RNF170: variants seen among roughly 807,000 people sequenced by gnomAD.
RNF170 encodes the protein E3 ubiquitin-protein ligase RNF170.
Under a neutral mutation model 32.7 loss-of-function variants are expected in RNF170, and 12 were observed. The ratio of observed to expected loss-of-function variants is 0.37; its 90% confidence interval spans 0.24 to 0.60. The LOEUF is 0.60. Ranked by LOEUF, RNF170 falls within the 20% of genes least tolerant of loss-of-function variation. The pLI, the probability that RNF170 is intolerant of heterozygous loss-of-function variation, is 0.72. For synonymous variants in RNF170, 91 were observed against 103.6 expected (o/e 0.88, Z 0.74); for missense variants, 212 against 311.2 (o/e 0.68, Z 2.40).
chr8:42,886,080 CG>C (rs2128950982), intron 2 of RNF170, among the ~76,000 whole-genome samples: 1 of 152,068 alleles, frequency 6.6e-6, no homozygotes, highest in Non-Finnish European at 1.5e-5. Context: ...AAAAATTAGC[CG>C]GGCGTGGTGG....
intron 5 of RNF170, among the ~76,000 whole-genome samples, chr8:42,863,985 GT>G (rs1803889877): frequency 2.9e-5 from 4 of 139,272 alleles, no homozygotes; most frequent in African/African-American, 9.4e-5. Context: ...GAGAGAGTGT[GT>G]GTGTGTGTGT....
chr8:42,855,453 T>A lies in RNF170; in HGVS notation c.*706A>T. 1.1e-6 allele frequency: 1 copy of A among 875,772 alleles called. No homozygotes were observed. The allele number at this position is 875,772 out of a possible 1,614,324, so 54.3% of individuals were successfully genotyped here. On this transcript the variant is annotated 3_prime_UTR_variant, in exon 7 of 7. Transcript: ENST00000527424. ...GTCCTGATCTCCTGACCTTGTGATCTACCCGCCTCAGCCTCCCAAAGTGCT... is the reference window on the plus strand; with the variant it reads ...GTCCTGATCTCCTGACCTTGTGATCAACCCGCCTCAGCCTCCCAAAGTGCT...
chr8:42,854,041 T>A lies in RNF170; in HGVS notation c.*2118A>T, dbSNP rs1231555924. The A allele has an allele frequency of 3.9e-6, 5 of 1,287,236 alleles. No homozygotes were observed. The South Asian group carries it at 6.2e-5, about 16-fold the overall frequency. 79.7% of individuals were successfully genotyped at this position (1,287,236 alleles called of 1,614,324 possible). On this transcript the variant is annotated 3_prime_UTR_variant, in exon 7 of 7. Coordinates refer to ENST00000527424, the MANE Select transcript of RNF170 (RefSeq NM_030954.4). Reference sequence around the variant, plus strand: ...ATTGGTAGGAAATGCATTTCCAGTCTGGTACATGGCAGTGTGACAAACTCC... The same window carrying A: ...ATTGGTAGGAAATGCATTTCCAGTCAGGTACATGGCAGTGTGACAAACTCC...
chr8:42,887,882 A>C lies in RNF170; in HGVS notation c.-7-11T>G, dbSNP rs746328156. On this transcript the variant is annotated splice_polypyrimidine_tract_variant and intron_variant, in intron 1 of 6. Coordinates refer to ENST00000527424, the MANE Select transcript of RNF170 (RefSeq NM_030954.4). The stretch of plus-strand genomic sequence containing the variant: ...TTGGCCATTCCAGGTCTAAAATAAG[A>C]AGAAACAAGATGAGAGTTACAAATG... 2 of 1,610,876 alleles carry C rather than the reference A, an allele frequency of 1.2e-6. No individual in the cohort carries two copies. Among genetic ancestry groups the C allele is most frequent in the African/African-American group, 1.3e-5 (1 of 74,864 alleles).
chr8:42,889,374 T>G (rs777624203), intron 1 of RNF170: 10 of 152,098 alleles, frequency 6.6e-5, no homozygotes, highest in Non-Finnish European at 1.3e-4. Flanking sequence ...ATTCACATTT[T>G]TTTCAGACAA....
intron 6 of RNF170, among the ~76,000 whole-genome samples, chr8:42,860,453 C>T (rs1421942416): frequency 6.6e-6 from 1 of 152,010 alleles, no homozygotes; most frequent in Non-Finnish European, 1.5e-5. Flanking sequence ...ACGGGAGTCT[C>T]ACTCTGTTGC....
At chr8:42,889,523 A>G (rs569369516) in intron 1 of RNF170, 7 of 152,334 alleles carry the variant, frequency 4.6e-5, no homozygotes, top group Non-Finnish European at 1.0e-4. Context: ...ATTCAATATC[A>G]TCACTAATCA....
chr8:42,885,997 C>T (rs568728010), intron 2 of RNF170, among the ~76,000 whole-genome samples: 2 of 152,026 alleles, frequency 1.3e-5, no homozygotes, highest in East Asian at 1.9e-4. Context: ...CCGAGGTGGG[C>T]GAATCAACTG....
chr8:42,871,908 T>C (rs886742292), intron 3 of RNF170, among the ~76,000 whole-genome samples: 1 of 152,260 alleles, frequency 6.6e-6, no homozygotes, highest in African/African-American at 2.4e-5. Flanking sequence ...TTAACGGTGC[T>C]GTCCAACAGA....
chr8:42,864,972 G>A (rs1046500640), intron 5 of RNF170, among the ~76,000 whole-genome samples: 3 of 150,470 alleles, frequency 2.0e-5, no homozygotes, highest in East Asian at 1.9e-4. Flanking sequence ...AAAAAAAATC[G>A]TGGGCTGGGC....
At chr8:42,849,824 A>G (rs150153144), downstream of RNF170, 3 of 152,340 alleles carry the variant, frequency 2.0e-5, no homozygotes, top group South Asian at 2.1e-4. Context: ...GTTACTGACT[A>G]TGCTGCACGC....
At chr8:42,869,794 T>C (rs897180026) in intron 4 of RNF170, among the ~76,000 whole-genome samples, 1 of 152,200 alleles carries the variant, frequency 6.6e-6, no homozygotes, top group African/African-American at 2.4e-5. Flanking sequence ...AGCTGCTACA[T>C]GGACACACTA....
At chr8:42,896,606 G>C (rs1000617718), upstream of RNF170, 3 of 453,720 alleles carry the variant, frequency 6.6e-6, no homozygotes, top group Non-Finnish European at 1.3e-5. Context: ...TTTGGAGTGC[G>C]GGTGCGGGCG....
intron 1 of RNF170, among the ~76,000 whole-genome samples, chr8:42,895,949 TATTA>T (rs1806787967): frequency 6.6e-6 from 1 of 152,232 alleles, no homozygotes; most frequent in South Asian, 2.1e-4. Context: ...CTGGGTGTTT[TATTA>T]ATTCTTCTTT....
chr8:42,856,230 C>G lies in RNF170; in HGVS notation c.706G>C (p.Val236Leu), dbSNP rs761090638. The change falls in exon 7 of 7, where the codon GTC becomes CTC. Residue 236 changes from valine to leucine, a missense_variant. Val to Leu is a conservative substitution (Grantham distance 32). Around this residue, in one of 2 missense-constraint regions of RNF170, gnomAD observed 97 missense variants for 178.9 expected, o/e 0.54. Transcript: ENST00000527424. ...GILGFLDDFF[V>L]IFLLLIYISI... ...ATGTAGATAAGCAATAAAAAGATGA[C>G]AAAGAAATCATCTAGAAAGCCTAGA... is the stretch of plus-strand genomic sequence containing the variant. The G allele has an allele frequency of 6.2e-7, 1 of 1,610,898 alleles. No homozygotes were observed. Among genetic ancestry groups the G allele is most frequent in the Admixed American group, 1.7e-5 (1 of 59,548 alleles).
chr8:42,865,267 T>A (rs1161936979), intron 5 of RNF170, 149 bp downstream of exon 5: 3 of 352,864 alleles, frequency 8.5e-6, no homozygotes, highest in Non-Finnish European at 9.9e-6. Flanking sequence ...ATAAAAATAA[T>A]AATAATAATA....
Position 42,886,223 on chromosome 8 carries a change from C to CA in RNF170, c.137+1504dup, listed in dbSNP as rs938244322. ...TGGGCAACAGAGTGAGACTCGGTCT[C>CA]AAAAAAAAAAATAATAATAATAATA... On this transcript the variant is annotated intron_variant, in intron 2 of 6. Coordinates refer to ENST00000527424, the MANE Select transcript of RNF170 (RefSeq NM_030954.4). Among the ~76,000 whole-genome samples, 340 of 140,088 alleles carry CA rather than the reference C, an allele frequency of 2.4e-3. 3 individuals are homozygous for CA. The highest frequency in any genetic ancestry group is 0.021 in the Middle Eastern group (6 of 282). 91.9% of individuals were successfully genotyped at this position (140,088 alleles called of 152,430 possible).
intron 2 of RNF170, among the ~76,000 whole-genome samples, chr8:42,878,753 G>C (rs1263836396): frequency 1.3e-5 from 2 of 152,228 alleles, no homozygotes; most frequent in Non-Finnish European, 2.9e-5. Context: ...GTTTTCCCTT[G>C]CAAGAAGATG....
intron 1 of RNF170, among the ~76,000 whole-genome samples, chr8:42,891,982 G>A (rs117834212): frequency 3.9e-5 from 6 of 152,116 alleles, no homozygotes; most frequent in Non-Finnish European, 8.8e-5. Flanking sequence ...TTCCTCTCTC[G>A]ATATGCAAAC....
Sources: gnomAD v4.1 joint callset for allele counts (sites outside exome capture counted in the v4.1 genomes callset) on GRCh38, gnomAD v4.1.1 for gene constraint, gnomAD v4.1.1 regional missense constraint, MANE v1.5 for transcripts, NCBI Gene and HGNC (gene_info 2026-07-23, HGNC 2026-07-21) for gene names.